The following BAZ1B variants were observed in gnomAD, a reference collection of about 807,000 sequenced individuals.
The protein encoded by BAZ1B is tyrosine-protein kinase BAZ1B.
A neutral mutation model predicts 153.8 loss-of-function variants in BAZ1B; 22 were observed. The ratio of observed to expected loss-of-function variants is 0.14; its 90% CI spans 0.10 to 0.20. The LOEUF (loss-of-function observed/expected upper bound fraction) is 0.20. Among genes scored for constraint, BAZ1B ranks in the 10% least tolerant of loss-of-function variants. The probability of loss-of-function intolerance (pLI) is 1.00; values close to 1 mark genes in which losing one functional copy is unlikely to be tolerated. For synonymous variants in BAZ1B, 676 were observed against 633.4 expected, an observed-to-expected ratio of 1.07 and a Z score of -1.01; for missense variants, 1,325 against 1,799.3, an observed-to-expected ratio of 0.74 and a Z score of 4.77.
At chr7:73,453,979 T>C (rs1354365627) in intron 13 of BAZ1B, among the ~76,000 whole-genome samples, 2 of 151,896 alleles carry the variant, frequency 1.3e-5, no homozygotes, top group Non-Finnish European at 2.9e-5. Context: ...GACCCTGTTA[T>C]TCATTCATTC....
At chr7:73,441,927 C>T (rs1357539477) in intron 19 of BAZ1B, 2 of 480,822 alleles carry the variant, frequency 4.2e-6, no homozygotes, top group Non-Finnish European at 7.4e-6. Flanking sequence ...ACTGGCTTCA[C>T]CAGAAAAGCT....
At chr7:73,507,256 G>A (rs188999005) in intron 3 of BAZ1B, 1 of 152,096 alleles carries the variant, frequency 6.6e-6, no homozygotes, top group South Asian at 2.1e-4. Flanking sequence ...ATATGGAGAA[G>A]ATTAGCATGG....
At chr7:73,495,475 GAA>G (rs1789838567) in intron 4 of BAZ1B, among the ~76,000 whole-genome samples, 1 of 152,116 alleles carries the variant, frequency 6.6e-6, no homozygotes, top group Non-Finnish European at 1.5e-5. Flanking sequence ...GAATCCTATG[GAA>G]AAAGTCAAAG....
intron 10 of BAZ1B, 46 bp from the exon 11 acceptor site, chr7:73,465,583 A>T: frequency 7.7e-7 from 1 of 1,291,142 alleles, no homozygotes. Context: ...AAAAAAAAAA[A>T]TTCAAAATCA....
intron 1 of BAZ1B, among the ~76,000 whole-genome samples, chr7:73,518,138 ACGT>A (rs1790885698): frequency 6.6e-6 from 1 of 152,114 alleles, no homozygotes; most frequent in Non-Finnish European, 1.5e-5. Flanking sequence ...GCAGTGGCTC[ACGT>A]CTGTAATCCC....
chr7:73,469,804 G>A (rs1554571731), intron 8 of BAZ1B, among the ~76,000 whole-genome samples, 154 bp from the exon 9 acceptor site: 4 of 152,182 alleles, frequency 2.6e-5, no homozygotes. Flanking sequence ...GATAAAAATT[G>A]CAAGGTAAAT....
At chr7:73,498,416 C>A in intron 4 of BAZ1B, 81 bp downstream of exon 4, 1 of 1,335,366 alleles carries the variant, frequency 7.5e-7, no homozygotes, top group Non-Finnish European at 1.1e-6. Flanking sequence ...CATTTAGTTG[C>A]TAGAGAACCC....
chr7:73,464,038 T>A (rs919854170), intron 11 of BAZ1B: 2 of 811,252 alleles, frequency 2.5e-6, no homozygotes. Context: ...CCTAGACACA[T>A]CTGTATTCAG....
At chr7:73,504,459 C>T (rs965505030) in intron 3 of BAZ1B, among the ~76,000 whole-genome samples, 5 of 151,952 alleles carry the variant, frequency 3.3e-5, no homozygotes, top group African/African-American at 9.7e-5. Context: ...GTCAGGAGAT[C>T]GAGACCATCC....
intron 6 of BAZ1B, among the ~76,000 whole-genome samples, chr7:73,485,583 C>A (rs1789372095): frequency 6.7e-6 from 1 of 150,134 alleles, no homozygotes; most frequent in African/African-American, 2.5e-5. Context: ...TATGATCATT[C>A]CACTGCTCTC....
chr7:73,476,314 T>C (rs1788998232), intron 7 of BAZ1B, among the ~76,000 whole-genome samples: 1 of 152,202 alleles, frequency 6.6e-6, no homozygotes, highest in Admixed American at 6.5e-5. Flanking sequence ...TGTCGATTAT[T>C]TCTTAATAAA....
chr7:73,446,497 T>A (rs1198273813), intron 16 of BAZ1B, among the ~76,000 whole-genome samples: 1 of 138,738 alleles, frequency 7.2e-6, no homozygotes, highest in African/African-American at 2.8e-5. Context: ...ACTGAGGTAA[T>A]CTGAGGTCAT....
At chr7:73,503,242 GTT>G (rs1444689599) in intron 3 of BAZ1B, among the ~76,000 whole-genome samples, 1 of 152,036 alleles carries the variant, frequency 6.6e-6, no homozygotes, top group Non-Finnish European at 1.5e-5. Context: ...TTGGCAGCAA[GTT>G]TTTTTCTTTA....
intron 4 of BAZ1B, 147 bp from the exon 5 acceptor site, chr7:73,493,068 G>A (rs1789716489): frequency 7.7e-6 from 6 of 781,960 alleles, no homozygotes; most frequent in Non-Finnish European, 9.6e-6. Context: ...TTAACTTCAA[G>A]GAGCTAAAGT....
At chr7:73,483,482 T>C (rs1468948312) in intron 6 of BAZ1B, among the ~76,000 whole-genome samples, 3 of 152,206 alleles carry the variant, frequency 2.0e-5, no homozygotes, top group African/African-American at 4.8e-5. Flanking sequence ...CATGCCTTTA[T>C]TAGCAAGTTT....
chr7:73,498,820 G>C, intron 3 of BAZ1B, 122 bp from the exon 4 acceptor site: 1 of 821,132 alleles, frequency 1.2e-6, no homozygotes, highest in Non-Finnish European at 1.9e-6. Flanking sequence ...AAACAGTAAA[G>C]TATCCAAGTA....
At chr7:73,469,485 GA>G in intron 9 of BAZ1B, 31 bp downstream of exon 9, 2 of 1,611,458 alleles carry the variant, frequency 1.2e-6, no homozygotes, top group Non-Finnish European at 1.7e-6. Context: ...TGAGCAGGGT[GA>G]AATAACTCTT....
In BAZ1B at chr7:73,477,538, C is replaced by T; in HGVS notation, c.1923G>A (p.Leu641=). The change falls in exon 7 of 20, where the codon TTG becomes TTA. Residue 641 remains leucine, a synonymous_variant. Coordinates refer to ENST00000339594, the MANE Select transcript of BAZ1B (RefSeq NM_032408.4). This position sits in a 1 kb window ranked among gnomAD's most constrained non-coding sequence, Gnocchi z 5.6. Reference sequence around the variant, plus strand: ...ATAAAAAGCCACCCTTATCTGCACTCAAGGCTTCCATAAGGGACACAGCAG... The same window carrying T: ...ATAAAAAGCCACCCTTATCTGCACTTAAGGCTTCCATAAGGGACACAGCAG... ...PITAVSLMEA[L]SADKGGFLYL... is the part of the protein sequence containing the mutation. The T allele has an allele frequency of 1.2e-6, 2 of 1,614,166 alleles. No individual in the cohort carries two copies. The highest frequency in any genetic ancestry group is 1.1e-5 in the South Asian group (1 of 91,084).
chr7:73,491,517 T>C (rs1182439411), intron 5 of BAZ1B, among the ~76,000 whole-genome samples: 1 of 151,922 alleles, frequency 6.6e-6, no homozygotes, highest in Non-Finnish European at 1.5e-5. Context: ...GAGAATCACT[T>C]GAACCCAGGA....
Sources: allele counts gnomAD v4.1 joint callset (sites outside exome capture counted in the v4.1 genomes callset), GRCh38; gene constraint gnomAD v4.1.1; non-coding constraint Gnocchi (gnomAD v3.1); transcripts MANE v1.5; gene names NCBI Gene and HGNC (gene_info 2026-07-23, HGNC 2026-07-21).